C8orf88: variants seen among roughly 807,000 people sequenced by gnomAD.
The protein encoded by C8orf88 is chromosome 8 open reading frame 88, also known as uncharacterized protein C8orf88.
C8orf88 carries 14 observed loss-of-function variants against 18.4 expected under a neutral mutation model. The ratio of observed to expected loss-of-function variants is 0.76; its 90% CI spans 0.50 to 1.19. C8orf88 has a LOEUF of 1.19. Ranked by LOEUF, C8orf88 falls within the 50% of genes most tolerant of loss-of-function variation. C8orf88 has a pLI of 0.00. For missense variants in C8orf88, 116 were observed against 134.7 expected (o/e 0.86, Z 0.69); for synonymous variants, 45 against 42.9 (o/e 1.05, Z -0.19).
At chr8:90,960,496 G>C (rs973236900) in intron 5 of C8orf88, among the ~76,000 whole-genome samples, 3 of 151,214 alleles carry the variant, frequency 2.0e-5, no homozygotes, top group Admixed American at 1.3e-4. Context: ...TTTAGAGTAT[G>C]GGATAATATT....
chr8:90,971,100 A>G lies in C8orf88; in HGVS notation c.189T>C (p.Asn63=). The change falls in exon 4 of 6, where the codon AAT becomes AAC. Residue 63 remains asparagine (N), a synonymous_variant. Transcript: ENST00000517562. Reference sequence around the variant, plus strand: ...CTGGAGACTGCTGTTGCTGTTGCTCATTAAGACCTTGAGAAAAGGCTTGCA... The same window carrying G: ...CTGGAGACTGCTGTTGCTGTTGCTCGTTAAGACCTTGAGAAAAGGCTTGCA... ...NGMQAFSQGL[N]EQQQQQSPVK... The G allele has an allele frequency of 6.6e-7, 1 of 1,521,558 alleles. No individual in the cohort carries two copies. 94.3% of individuals were successfully genotyped at this position (1,521,558 alleles called of 1,614,324 possible).
At chr8:90,964,274 C>T (rs975847140) in intron 4 of C8orf88, among the ~76,000 whole-genome samples, 6 of 151,586 alleles carry the variant, frequency 4.0e-5, no homozygotes, top group African/African-American at 1.2e-4. Flanking sequence ...GTCAGAAAGA[C>T]AGTAGCAATT....
intron 5 of C8orf88, 146 bp from the exon 6 acceptor site, chr8:90,959,176 T>C: frequency 2.3e-6 from 1 of 432,962 alleles, no homozygotes; most frequent in Admixed American, 4.5e-5. Flanking sequence ...TAACTAGAAC[T>C]GTCAAATAAC....
chr8:90,978,682 A>C (rs1811388634), intron 2 of C8orf88, 30 bp from the exon 3 acceptor site: 2 of 1,260,534 alleles, frequency 1.6e-6, no homozygotes, highest in Non-Finnish European at 2.2e-6. Context: ...ACAATTTCAT[A>C]GATCTATTAT....
At chr8:90,966,426 T>C (rs2631027) in intron 4 of C8orf88, among the ~76,000 whole-genome samples, 105,082 of 143,546 alleles carry the variant, frequency 0.73, 39,486 homozygotes, top group African/African-American at 0.84. Context: ...GTGGGTGCAG[T>C]GCACCAGCAT....
At chr8:90,966,547 C>A (rs1236982238) in intron 4 of C8orf88, among the ~76,000 whole-genome samples, 7 of 147,122 alleles carry the variant, frequency 4.8e-5, no homozygotes, top group Non-Finnish European at 1.0e-4. Context: ...CAAGTCTCTG[C>A]TGTCTTTAGG....
intron 4 of C8orf88, among the ~76,000 whole-genome samples, chr8:90,965,539 A>G (rs1811182307): frequency 1.3e-5 from 2 of 151,906 alleles, no homozygotes; most frequent in African/African-American, 4.8e-5. Context: ...TTACCCAACA[A>G]CAGCAGAATA....
chr8:90,968,657 C>CATATACATATATATATATATAT (rs1554579818), intron 4 of C8orf88, among the ~76,000 whole-genome samples: 1 of 72,800 alleles, frequency 1.4e-5, no homozygotes, highest in Non-Finnish European at 2.8e-5. Flanking sequence ...GAAAAGACAA[C>CATATACATATATATATATATAT]ATATATATAT....
At chr8:90,974,797 A>G (rs1003078167) in intron 3 of C8orf88, among the ~76,000 whole-genome samples, 2 of 152,054 alleles carry the variant, frequency 1.3e-5, no homozygotes, top group Admixed American at 6.6e-5. Flanking sequence ...GAAAAAAAAC[A>G]TTAGTAATGA....
intron 4 of C8orf88, 27 bp from the exon 5 acceptor site, chr8:90,960,875 T>A (rs1811117525): frequency 1.5e-6 from 2 of 1,293,732 alleles, no homozygotes; most frequent in Non-Finnish European, 1.1e-6. Context: ...TCAAATATAA[T>A]GTTAGGAAAT....
chr8:90,965,285 G>T (rs1358810656), intron 4 of C8orf88, among the ~76,000 whole-genome samples: 1 of 151,684 alleles, frequency 6.6e-6, no homozygotes, highest in Non-Finnish European at 1.5e-5. Context: ...AGAGACAATG[G>T]ACATTTATGC....
At position 90,978,525 on chromosome 8, in the gene C8orf88, CAT is replaced by C. The variant is rs148668367; in HGVS notation, c.147+52_147+53del. 8.0e-4 allele frequency: 903 copies of C among 1,127,702 alleles called. 6 individuals carry two copies. The African/African-American group carries it at 0.011, about 14-fold the overall frequency. 69.9% of individuals were successfully genotyped at this position (1,127,702 alleles called of 1,614,324 possible). On this transcript the variant is annotated intron_variant, in intron 3 of 5. Coordinates refer to ENST00000517562, the MANE Select transcript of C8orf88 (RefSeq NM_001190972.2). ...TCTGGCACACAATAGCCATCTAACA[CAT>C]GTTACTTTCCAATCTATAATATTTC...
chr8:90,963,503 G>A (rs536425939), intron 4 of C8orf88, among the ~76,000 whole-genome samples: 1 of 151,796 alleles, frequency 6.6e-6, no homozygotes, highest in African/African-American at 2.4e-5. Flanking sequence ...AGGAAGCCAA[G>A]ACATTGAATT....
chr8:90,978,920 A>G (rs982638286), intron 2 of C8orf88, among the ~76,000 whole-genome samples: 8 of 152,314 alleles, frequency 5.3e-5, no homozygotes, highest in African/African-American at 1.7e-4. Flanking sequence ...ATACAATTTG[A>G]TAAGCAGTAT....
chr8:90,978,354 T>C (rs532361055), intron 3 of C8orf88, among the ~76,000 whole-genome samples: 170 of 152,334 alleles, frequency 1.1e-3, no homozygotes, highest in African/African-American at 3.9e-3. Flanking sequence ...AGTTTGTAAC[T>C]ATATGTGAAG....
intron 1 of C8orf88, among the ~76,000 whole-genome samples, chr8:90,983,781 C>G (rs113932521): frequency 2.0e-5 from 3 of 152,120 alleles, no homozygotes; most frequent in Admixed American, 6.5e-5. Flanking sequence ...CTACTAAGTG[C>G]TAGATATTAG....
At chr8:90,959,310 A>C (rs749624751) in intron 5 of C8orf88, 2 of 190,160 alleles carry the variant, frequency 1.1e-5, no homozygotes, top group Non-Finnish European at 2.1e-5. Context: ...GTAAATCACA[A>C]GTAAAATGAA....
At chr8:90,984,536 T>C (rs1811477987) in intron 1 of C8orf88, among the ~76,000 whole-genome samples, 1 of 152,168 alleles carries the variant, frequency 6.6e-6, no homozygotes, top group Admixed American at 6.5e-5. Flanking sequence ...TTCCAACATA[T>C]CTTCCATTTC....
chr8:90,959,878 G>C (rs907758182), intron 5 of C8orf88, among the ~76,000 whole-genome samples: 1 of 151,314 alleles, frequency 6.6e-6, no homozygotes, highest in Non-Finnish European at 1.5e-5. Flanking sequence ...CCAGTCAAAT[G>C]TAAGTAGAGA....
Sources: allele counts gnomAD v4.1 joint callset (sites outside exome capture counted in the v4.1 genomes callset), GRCh38; gene constraint gnomAD v4.1.1; transcripts MANE v1.5; gene names NCBI Gene and HGNC (gene_info 2026-07-23, HGNC 2026-07-21).